Variants in CNTN5 observed in about 807,000 individuals in gnomAD.
The protein encoded by CNTN5 is contactin-5.
A neutral mutation model predicts 129.1 loss-of-function variants in CNTN5; 77 were observed. That is an observed-to-expected ratio of 0.60 (90% CI 0.50 to 0.72). CNTN5 has a LOEUF of 0.72. Ranked by LOEUF, CNTN5 falls within the 30% of genes least tolerant of loss-of-function variation. The pLI is 0.00. For missense variants in CNTN5, 1,478 were observed against 1,328.8 expected, an observed-to-expected ratio of 1.11 and a Z score of -1.75; for synonymous variants, 509 against 465.6, an observed-to-expected ratio of 1.09 and a Z score of -1.20.
At chr11:99,881,116 C>T (rs1948760322) in intron 6 of CNTN5, among the ~76,000 whole-genome samples, 1 of 152,064 alleles carries the variant, frequency 6.6e-6, no homozygotes, top group African/African-American at 2.4e-5. Flanking sequence ...TGTGCAGTAG[C>T]ATTAATAGAG....
chr11:100,115,278 T>A (rs1357444677), intron 13 of CNTN5, among the ~76,000 whole-genome samples: 3 of 152,106 alleles, frequency 2.0e-5, no homozygotes, highest in South Asian at 2.1e-4. Context: ...GACTACAAGT[T>A]GTCTTCTTAT....
intron 2 of CNTN5, among the ~76,000 whole-genome samples, chr11:99,462,896 T>C (rs1322460375): frequency 6.6e-6 from 1 of 151,702 alleles, no homozygotes; most frequent in Non-Finnish European, 1.5e-5. Context: ...ACCAGCCGGA[T>C]AAACACGGTG....
At chr11:99,063,265 T>G (rs115417288) in intron 1 of CNTN5, among the ~76,000 whole-genome samples, 1 of 152,186 alleles carries the variant, frequency 6.6e-6, no homozygotes, top group Admixed American at 6.6e-5. Context: ...TTCGAGGACA[T>G]GCTTCTCTTT....
intron 3 of CNTN5, among the ~76,000 whole-genome samples, chr11:99,819,313 T>C (rs190295481): frequency 4.4e-3 from 79 of 18,006 alleles, no homozygotes; most frequent in Middle Eastern, 0.029. Context: ...CCCTCCCCTC[T>C]CCTCCCCTCC....
At chr11:99,276,541 G>A (rs1336827577) in intron 1 of CNTN5, among the ~76,000 whole-genome samples, 2 of 151,194 alleles carry the variant, frequency 1.3e-5, no homozygotes, top group African/African-American at 2.4e-5. Flanking sequence ...TCTATAAAGT[G>A]GAAATAATAA....
intron 2 of CNTN5, among the ~76,000 whole-genome samples, chr11:99,433,371 ATG>A (rs1555143806): frequency 5.5e-4 from 78 of 140,898 alleles, no homozygotes; most frequent in African/African-American, 1.9e-3. Context: ...TAAAAAAAAA[ATG>A]TGTGTGTGTG....
At chr11:99,717,303 C>A (rs971241429) in intron 3 of CNTN5, among the ~76,000 whole-genome samples, 5 of 151,826 alleles carry the variant, frequency 3.3e-5, no homozygotes, top group Non-Finnish European at 2.9e-5. Context: ...GTCTTATATA[C>A]AGTATAGATT....
intron 2 of CNTN5, among the ~76,000 whole-genome samples, chr11:99,520,704 C>T (rs1947244979): frequency 6.6e-6 from 1 of 152,042 alleles, no homozygotes; most frequent in Non-Finnish European, 1.5e-5. Context: ...CATACAACCT[C>T]CTGCTTTTTC....
chr11:100,037,653 G>T (rs1170298239), intron 9 of CNTN5, among the ~76,000 whole-genome samples: 1 of 152,212 alleles, frequency 6.6e-6, no homozygotes, highest in South Asian at 2.1e-4. Flanking sequence ...AGCTCCTGTT[G>T]TTGGTCTATT....
In CNTN5 at chr11:100,191,165, T is replaced by C; in HGVS notation, c.1620T>C (p.Asn540=). The change falls in exon 14 of 25, where the codon AAT becomes AAC. Residue 540 remains asparagine (N), a synonymous_variant. Coordinates refer to ENST00000524871, the MANE Select transcript of CNTN5 (RefSeq NM_014361.4). ...CAGACGGGAGTCTACGGATCCTAAA[T>C]GCTTCCAAATCAGACGAGGGAAAGT... ...ILPDGSLRIL[N]ASKSDEGKYV... The C allele has an allele frequency of 1.2e-6, 2 of 1,611,010 alleles. No individual in the cohort carries two copies. Among genetic ancestry groups the C allele is most frequent in the Non-Finnish European group, 1.7e-6 (2 of 1,177,806 alleles).
intron 3 of CNTN5, among the ~76,000 whole-genome samples, chr11:99,691,153 T>C (rs1002298652): frequency 2.0e-5 from 3 of 151,824 alleles, no homozygotes; most frequent in Non-Finnish European, 4.4e-5. Context: ...TCTTCTTCTT[T>C]ATTAGTCTAG....
In CNTN5 at chr11:99,860,164, A is replaced by G. The variant is rs1948161381; in HGVS notation, c.577+14902A>G. Among the ~76,000 whole-genome samples, 3 of 152,100 alleles carry G rather than the reference A, an allele frequency of 2.0e-5. 1 individual carries two copies. In the South Asian group the frequency reaches 6.2e-4, roughly 32 times the overall value. On this transcript the variant is annotated intron_variant, in intron 6 of 24. Transcript: ENST00000524871. ...GTATTCTTTTGAGAAATGTCTGTTC[A>G]TGTATTTCACTCATTTTTAATGGGG...
intron 2 of CNTN5, among the ~76,000 whole-genome samples, chr11:99,443,451 G>C (rs577215927): frequency 1.3e-5 from 2 of 152,082 alleles, no homozygotes; most frequent in Non-Finnish European, 2.9e-5. Flanking sequence ...CATTTTCATG[G>C]TGTTTTGACA....
intron 1 of CNTN5, among the ~76,000 whole-genome samples, chr11:99,103,092 T>C (rs919590308): frequency 4.6e-5 from 7 of 151,970 alleles, no homozygotes; most frequent in African/African-American, 1.5e-4. Flanking sequence ...CCATCAGATC[T>C]CGTAAGGCTT....
At chr11:99,031,742 A>T (rs1863383475) in intron 1 of CNTN5, among the ~76,000 whole-genome samples, 1 of 151,700 alleles carries the variant, frequency 6.6e-6, no homozygotes, top group Non-Finnish European at 1.5e-5. Context: ...TAAGATCTAA[A>T]TTCATGGCTT....
intron 3 of CNTN5, among the ~76,000 whole-genome samples, chr11:99,675,216 C>G (rs1170359068): frequency 1.3e-5 from 2 of 152,078 alleles, no homozygotes; most frequent in African/African-American, 4.8e-5. Context: ...AGGATAGTCA[C>G]TTTAATAGAG....
At chr11:99,702,539 ATATT>A (rs1414695337) in intron 3 of CNTN5, among the ~76,000 whole-genome samples, 1 of 150,992 alleles carries the variant, frequency 6.6e-6, no homozygotes, top group African/African-American at 2.4e-5. Flanking sequence ...TTTTGTTATA[ATATT>A]TAGATTCTTT....
intron 2 of CNTN5, among the ~76,000 whole-genome samples, chr11:99,522,179 A>G (rs1947298705): frequency 6.6e-6 from 1 of 152,160 alleles, no homozygotes; most frequent in Non-Finnish European, 1.5e-5. Flanking sequence ...CCTATAAAAG[A>G]ACATATAAAG....
At chr11:99,602,753 G>A (rs1232502744) in intron 3 of CNTN5, among the ~76,000 whole-genome samples, 1 of 151,044 alleles carries the variant, frequency 6.6e-6, no homozygotes, top group Non-Finnish European at 1.5e-5. Flanking sequence ...GGAGATCTGA[G>A]AACGGGCAGA....
Sources: gnomAD v4.1 joint callset for allele counts (sites outside exome capture counted in the v4.1 genomes callset) on GRCh38, gnomAD v4.1.1 for gene constraint, MANE v1.5 for transcripts, NCBI Gene and HGNC (gene_info 2026-07-23, HGNC 2026-07-21) for gene names.